Variants in RCOR1 observed in about 807,000 individuals in gnomAD.
RCOR1 encodes REST corepressor.
In RCOR1, 12 loss-of-function variants were observed where a neutral mutation model predicts 64.0. The ratio of observed to expected loss-of-function variants is 0.19; its 90% CI spans 0.12 to 0.30. The LOEUF is 0.30. Ranked by LOEUF, RCOR1 falls within the 10% of genes least tolerant of loss-of-function variation. The pLI is 1.00. For missense variants in RCOR1, 502 were observed against 621.2 expected (o/e 0.81, Z 2.04); for synonymous variants, 279 against 227.2 (o/e 1.23, Z -2.05).
At chr14:102,633,212 A>G (rs1359109660) in intron 2 of RCOR1, among the ~76,000 whole-genome samples, 1 of 152,088 alleles carries the variant, frequency 6.6e-6, no homozygotes, top group South Asian at 2.1e-4. Context: ...ATCTAGCTCT[A>G]AGAGACTCTA....
chr14:102,677,198 C>T (rs769952722), intron 2 of RCOR1, among the ~76,000 whole-genome samples: 21,839 of 108,316 alleles, frequency 0.2, 2,309 homozygotes, highest in East Asian at 0.26. Flanking sequence ...GGCGGCTGGC[C>T]GGGCAGGGGG....
intron 2 of RCOR1, among the ~76,000 whole-genome samples, chr14:102,640,350 G>C (rs185810485): frequency 9.9e-5 from 15 of 152,208 alleles, no homozygotes; most frequent in Admixed American, 5.2e-4. Context: ...GTCCTCTTCA[G>C]CTAAAACAGT....
intron 9 of RCOR1, 90 bp from the exon 10 acceptor site, chr14:102,721,230 C>T (rs1896162950): frequency 1.3e-5 from 16 of 1,268,786 alleles, no homozygotes; most frequent in Non-Finnish European, 1.7e-5. Context: ...GTTAAAATTC[C>T]GATAAGAGAA....
chr14:102,611,099 C>A (rs945225947), intron 2 of RCOR1, among the ~76,000 whole-genome samples: 1 of 152,008 alleles, frequency 6.6e-6, no homozygotes, highest in African/African-American at 2.4e-5. Flanking sequence ...GATGGAGTTT[C>A]GCTCTTGTTG....
At chr14:102,663,325 T>G (rs1894860471) in intron 2 of RCOR1, among the ~76,000 whole-genome samples, 1 of 152,254 alleles carries the variant, frequency 6.6e-6, no homozygotes, top group South Asian at 2.1e-4. Flanking sequence ...GAAAACAGAC[T>G]AATGCAACTT....
chr14:102,676,638 C>G (rs1324515570), intron 2 of RCOR1, among the ~76,000 whole-genome samples: 1 of 104,678 alleles, frequency 9.6e-6, no homozygotes, highest in African/African-American at 4.0e-5. Flanking sequence ...GGGGGCTGAT[C>G]CCCCCACCTC....
chr14:102,658,895 C>T (rs1276910612), intron 2 of RCOR1, among the ~76,000 whole-genome samples: 3 of 152,100 alleles, frequency 2.0e-5, no homozygotes, highest in Non-Finnish European at 4.4e-5. Flanking sequence ...GCATGCTACT[C>T]CATGATTTAT....
intron 2 of RCOR1, among the ~76,000 whole-genome samples, chr14:102,632,716 T>C (rs74615488): frequency 0.074 from 6,741 of 91,596 alleles, 561 homozygotes; most frequent in African/African-American, 0.13. Context: ...CCTTTTCCTT[T>C]CCTTTCCTTT....
intron 3 of RCOR1, among the ~76,000 whole-genome samples, chr14:102,684,822 G>A (rs748263962): frequency 3.3e-5 from 5 of 152,036 alleles, no homozygotes; most frequent in Non-Finnish European, 7.4e-5. Context: ...CAGTTTCCAC[G>A]TTGTTAAAAC....
At chr14:102,689,841 T>G (rs1158710092) in intron 3 of RCOR1, among the ~76,000 whole-genome samples, 4 of 152,122 alleles carry the variant, frequency 2.6e-5, no homozygotes, top group Non-Finnish European at 5.9e-5. Context: ...CCTCCCAGGT[T>G]CAAGCTATTC....
chr14:102,715,366 C>T (rs1049562022), intron 8 of RCOR1, among the ~76,000 whole-genome samples: 5 of 150,268 alleles, frequency 3.3e-5, no homozygotes, highest in Admixed American at 2.0e-4. Context: ...CCACCGCGCC[C>T]GGCCCTGATT....
chr14:102,718,887 T>C (rs1379254903), intron 8 of RCOR1, among the ~76,000 whole-genome samples: 1 of 152,084 alleles, frequency 6.6e-6, no homozygotes, highest in Non-Finnish European at 1.5e-5. Context: ...AGGCCTGGGC[T>C]CAAGCAGTTG....
At chr14:102,635,154 T>C (rs1894210241) in intron 2 of RCOR1, among the ~76,000 whole-genome samples, 1 of 152,180 alleles carries the variant, frequency 6.6e-6, no homozygotes, top group Non-Finnish European at 1.5e-5. Context: ...TAGTTTTTCT[T>C]ATGCAAACTT....
chr14:102,632,303 G>A (rs1482788456), intron 2 of RCOR1, among the ~76,000 whole-genome samples: 2 of 149,784 alleles, frequency 1.3e-5, no homozygotes, highest in East Asian at 3.9e-4. Flanking sequence ...TGCAAGTTGC[G>A]CATCCTGGGT....
At chr14:102,617,587 C>CTTT (rs71119722) in intron 2 of RCOR1, among the ~76,000 whole-genome samples, 15 of 118,236 alleles carry the variant, frequency 1.3e-4, no homozygotes, top group South Asian at 2.9e-4. Flanking sequence ...CTGTCTCTTT[C>CTTT]TTTTTTTTTT....
intron 10 of RCOR1, 198 bp downstream of exon 10, chr14:102,721,575 A>T (rs970266296): frequency 1.5e-5 from 6 of 394,530 alleles, no homozygotes; most frequent in African/African-American, 1.2e-4. Context: ...TTTTTTTTTA[A>T]TGGAAAAAAA....
At chr14:102,682,639 T>A (rs1276575401) in intron 3 of RCOR1, among the ~76,000 whole-genome samples, 2 of 152,224 alleles carry the variant, frequency 1.3e-5, no homozygotes, top group Non-Finnish European at 2.9e-5. Context: ...TGGGGATCTC[T>A]TTTCATCTCC....
intron 2 of RCOR1, among the ~76,000 whole-genome samples, chr14:102,667,500 C>CAAT (rs765477130): frequency 4.3e-4 from 65 of 151,468 alleles, no homozygotes; most frequent in Middle Eastern, 3.4e-3. Flanking sequence ...GACTCTGTCT[C>CAAT]AATAATAATA....
intron 2 of RCOR1, among the ~76,000 whole-genome samples, chr14:102,624,076 G>T (rs1476390776): frequency 6.6e-6 from 1 of 151,938 alleles, no homozygotes; most frequent in African/African-American, 2.4e-5. Flanking sequence ...GGCACCTGTA[G>T]TCCCAGCTAC....
Sources: allele counts gnomAD v4.1 joint callset (sites outside exome capture counted in the v4.1 genomes callset), GRCh38; gene constraint gnomAD v4.1.1; transcripts MANE v1.5; gene names NCBI Gene and HGNC (gene_info 2026-07-23, HGNC 2026-07-21).